Variants in SND1 observed in about 807,000 individuals in gnomAD.
SND1 encodes staphylococcal nuclease domain-containing protein 1.
A neutral mutation model predicts 121.7 loss-of-function variants in SND1; 38 were observed. The ratio of observed to expected loss-of-function variants is 0.31; its 90% CI spans 0.24 to 0.41. The LOEUF (loss-of-function observed/expected upper bound fraction) is 0.41. Ranked by LOEUF, SND1 falls within the 10% of genes least tolerant of loss-of-function variation. The probability of loss-of-function intolerance (pLI) is 1.00; values close to 1 mark genes in which losing one functional copy is unlikely to be tolerated. For synonymous variants in SND1, 401 were observed against 447.4 expected (o/e 0.90, Z 1.31); for missense variants, 868 against 1,184.6 (o/e 0.73, Z 3.92).
intron 4 of SND1, among the ~76,000 whole-genome samples, chr7:127,700,776 G>A (rs767347460): frequency 6.6e-5 from 10 of 152,006 alleles, no homozygotes; most frequent in Non-Finnish European, 1.5e-4. Context: ...GTTCTTAGTC[G>A]GCTTCTCTGC....
chr7:128,022,068 G>T (rs1374676696), intron 16 of SND1, among the ~76,000 whole-genome samples: 2 of 151,888 alleles, frequency 1.3e-5, no homozygotes, highest in African/African-American at 4.8e-5. Flanking sequence ...GCCAGGCGTG[G>T]TGGTGCGCAC....
chr7:127,837,561 A>T (rs1318565193), intron 11 of SND1, among the ~76,000 whole-genome samples: 2 of 152,214 alleles, frequency 1.3e-5, no homozygotes, highest in Non-Finnish European at 2.9e-5. Flanking sequence ...TTGAGAGATG[A>T]GCAGTTCCAC....
intron 12 of SND1, among the ~76,000 whole-genome samples, chr7:127,883,734 T>G (rs1044291646): frequency 7.2e-5 from 11 of 152,204 alleles, no homozygotes; most frequent in African/African-American, 2.7e-4. Flanking sequence ...AATCAGGTGT[T>G]GCAGTTAGAG....
At chr7:127,898,285 C>T (rs1800158386) in intron 13 of SND1, among the ~76,000 whole-genome samples, 1 of 152,140 alleles carries the variant, frequency 6.6e-6, no homozygotes, top group African/African-American at 2.4e-5. Flanking sequence ...TTAGTCCGCC[C>T]ACCTCCCCTT....
rs200988818 is a variant in SND1 at position 127,904,827 on chromosome 7, G to A, written c.1527+8G>A. ...GTTGCAGATATATCTGGGGTGAGTCGAGTCCCTGAATCAAGCTGTGTGGCT... is the reference window on the plus strand; with the variant it reads ...GTTGCAGATATATCTGGGGTGAGTCAAGTCCCTGAATCAAGCTGTGTGGCT... On this transcript the variant is annotated splice_region_variant and intron_variant, in intron 14 of 23. Coordinates refer to ENST00000354725, the MANE Select transcript of SND1 (RefSeq NM_014390.4). 1.3e-5 allele frequency: 20 copies of A among 1,580,374 alleles called. No individual in the cohort carries two copies. The highest frequency in any genetic ancestry group is 8.3e-5 in the Admixed American group (5 of 59,944).
At chr7:127,970,828 G>A (rs1196551734) in intron 15 of SND1, among the ~76,000 whole-genome samples, 2 of 152,078 alleles carry the variant, frequency 1.3e-5, no homozygotes, top group South Asian at 4.2e-4. Context: ...TCCTGATTAG[G>A]GCCAGGTATG....
intron 16 of SND1, among the ~76,000 whole-genome samples, chr7:128,040,025 GT>G (rs1792822601): frequency 6.6e-6 from 1 of 152,092 alleles, no homozygotes; most frequent in Non-Finnish European, 1.5e-5. Flanking sequence ...TTTGTCTAGG[GT>G]TCTCATCTCT....
intron 21 of SND1, among the ~76,000 whole-genome samples, chr7:128,088,768 T>C: frequency 7.0e-6 from 1 of 143,386 alleles, no homozygotes; most frequent in East Asian, 2.0e-4. Flanking sequence ...CCTGTCTCTT[T>C]AAAAAAAAAA....
intron 15 of SND1, among the ~76,000 whole-genome samples, chr7:127,989,362 C>A (rs558071503): frequency 2.6e-5 from 4 of 152,338 alleles, no homozygotes; most frequent in Admixed American, 1.3e-4. Flanking sequence ...GGCCTTGGGG[C>A]TCAGAGAGAA....
intron 15 of SND1, 68 bp from the exon 16 acceptor site, chr7:127,990,879 C>T (rs934487125): frequency 9.3e-6 from 10 of 1,070,698 alleles, no homozygotes; most frequent in African/African-American, 6.3e-5. Flanking sequence ...GTCAGGGGAC[C>T]GTCCTTATTG....
chr7:127,719,281 T>C (rs899623329), intron 9 of SND1, among the ~76,000 whole-genome samples: 14 of 152,226 alleles, frequency 9.2e-5, no homozygotes, highest in African/African-American at 2.2e-4. Flanking sequence ...TGTACATTTT[T>C]ACTTGGCATT....
chr7:127,980,935 T>C (rs1802244538), intron 15 of SND1, among the ~76,000 whole-genome samples: 1 of 152,206 alleles, frequency 6.6e-6, no homozygotes, highest in South Asian at 2.1e-4. Context: ...AGACCAAGAA[T>C]AGGAACCTTT....
At chr7:127,838,717 G>A (rs773345726) in intron 11 of SND1, among the ~76,000 whole-genome samples, 4 of 152,170 alleles carry the variant, frequency 2.6e-5, no homozygotes, top group Non-Finnish European at 5.9e-5. Flanking sequence ...TCTTTAAAGA[G>A]AAAAGTGTAT....
chr7:128,054,473 A>G (rs541376005), intron 16 of SND1, among the ~76,000 whole-genome samples: 1 of 152,352 alleles, frequency 6.6e-6, no homozygotes, highest in Admixed American at 6.5e-5. Context: ...TGCCTATCCT[A>G]CCAAGGTCCC....
At chr7:127,788,112 T>G (rs1444953999) in intron 10 of SND1, among the ~76,000 whole-genome samples, 2 of 152,230 alleles carry the variant, frequency 1.3e-5, no homozygotes, top group African/African-American at 4.8e-5. Context: ...TTATGTAACA[T>G]TTACAGGCCG....
Position 127,854,337 on chromosome 7 carries a change from C to T in SND1, c.1343+9913C>T, listed in dbSNP as rs986988699. On this transcript the variant is annotated intron_variant, in intron 12 of 23. Transcript: ENST00000354725. Reference sequence around the variant, plus strand: ...AGAGATGGGGTTTTGCCATGTTGGCCAGGCTGGTCTTGAACTCCTGACCTT... The same window carrying T: ...AGAGATGGGGTTTTGCCATGTTGGCTAGGCTGGTCTTGAACTCCTGACCTT... Among the ~76,000 whole-genome samples the T allele has an allele frequency of 1.3e-4, 20 of 152,098 alleles. No homozygotes were observed. In the East Asian group the frequency reaches 3.5e-3, roughly 26 times the overall value.
chr7:127,867,416 A>G (rs1799497289), intron 12 of SND1, among the ~76,000 whole-genome samples: 1 of 152,080 alleles, frequency 6.6e-6, no homozygotes, highest in South Asian at 2.1e-4. Context: ...TCTTACCACT[A>G]TTCAGTCTCT....
Position 127,973,863 on chromosome 7 carries a change from C to T in SND1, c.1670-17084C>T, listed in dbSNP as rs575781586. Among the ~76,000 whole-genome samples, 42 of 152,320 alleles carry T rather than the reference C, an allele frequency of 2.8e-4. 2 individuals are homozygous for T. In the South Asian group the frequency reaches 7.5e-3, roughly 27 times the overall value. On this transcript the variant is annotated intron_variant, in intron 15 of 23. Transcript: ENST00000354725. ...AATTGCCTTTGTTTCTAAAGCAGCC[C>T]TGAATTGAGTGGCCTTCCCTGGCCT...
chr7:128,019,643 A>G lies in SND1; in HGVS notation c.1779+28587A>G, dbSNP rs75192994. Among the ~76,000 whole-genome samples the G allele has an allele frequency of 1.9e-3, 282 of 152,382 alleles. 2 individuals carry two copies. Among genetic ancestry groups the G allele is most frequent in the Middle Eastern group, 6.8e-3 (2 of 294 alleles). ...ACTCCACCCAATGCACATTTCTGCT[A>G]AATTAACTTGGTTAGAAGAAATCCT... On this transcript the variant is annotated intron_variant, in intron 16 of 23. Transcript: ENST00000354725.
Sources: gnomAD v4.1 joint callset for allele counts (sites outside exome capture counted in the v4.1 genomes callset) on GRCh38, gnomAD v4.1.1 for gene constraint, MANE v1.5 for transcripts, NCBI Gene and HGNC (gene_info 2026-07-23, HGNC 2026-07-21) for gene names.